Variants in IGF1R observed in about 807,000 individuals in gnomAD.
The protein encoded by IGF1R is insulin like growth factor 1 receptor.
A neutral mutation model predicts 144.6 loss-of-function variants in IGF1R; 44 were observed. The ratio of observed to expected loss-of-function variants is 0.30; its 90% CI spans 0.24 to 0.39. The LOEUF is 0.39. Ranked by LOEUF, IGF1R falls within the 10% of genes least tolerant of loss-of-function variation. IGF1R has a pLI of 1.00. For synonymous variants in IGF1R, 795 were observed against 722.8 expected (o/e 1.10, Z -1.60); for missense variants, 1,355 against 1,833.7 (o/e 0.74, Z 4.77).
chr15:98,775,068 G>A (rs1381701341), intron 2 of IGF1R, among the ~76,000 whole-genome samples: 1 of 152,082 alleles, frequency 6.6e-6, no homozygotes, highest in Non-Finnish European at 1.5e-5. Flanking sequence ...ACCTGCCTTA[G>A]TCCCAGAGTC....
chr15:98,719,542 T>G (rs2054198780), intron 2 of IGF1R, among the ~76,000 whole-genome samples: 1 of 152,204 alleles, frequency 6.6e-6, no homozygotes, highest in South Asian at 2.1e-4. Context: ...TGGGTGTGCC[T>G]AGCAAAGCTG....
At chr15:98,768,926 TCAAAAACAA>T (rs922076354) in intron 2 of IGF1R, among the ~76,000 whole-genome samples, 5 of 18,612 alleles carry the variant, frequency 2.7e-4, no homozygotes, top group African/African-American at 3.7e-4. Context: ...AGATTCCGTC[TCAAAAACAA>T]CAACAACAAC....
intron 2 of IGF1R, among the ~76,000 whole-genome samples, chr15:98,732,985 A>G (rs2054527596): frequency 6.6e-6 from 1 of 152,142 alleles, no homozygotes; most frequent in East Asian, 1.9e-4. Flanking sequence ...AAAAGAAAGG[A>G]GCACCCCTCA....
intron 2 of IGF1R, among the ~76,000 whole-genome samples, chr15:98,770,235 A>AG (rs1415925929): frequency 6.6e-6 from 1 of 152,188 alleles, no homozygotes; most frequent in African/African-American, 2.4e-5. Context: ...TAAAAGTTAG[A>AG]GGAAGGCAAA....
chr15:98,651,275 C>A (rs536787832), intron 1 of IGF1R, among the ~76,000 whole-genome samples: 2 of 152,320 alleles, frequency 1.3e-5, no homozygotes, highest in East Asian at 3.9e-4. Context: ...CGCGACGGAA[C>A]GAGAGCAGAT....
chr15:98,815,702 G>T (rs532852416), intron 2 of IGF1R, among the ~76,000 whole-genome samples: 2 of 152,266 alleles, frequency 1.3e-5, no homozygotes, highest in East Asian at 3.9e-4. Flanking sequence ...GTGTGACTCT[G>T]TGTGTTGGAG....
intron 2 of IGF1R, among the ~76,000 whole-genome samples, chr15:98,808,774 G>A (rs983893924): frequency 6.6e-6 from 1 of 151,618 alleles, no homozygotes; most frequent in Non-Finnish European, 1.5e-5. Context: ...CAAAGTCCTG[G>A]GCTCAAGAAA....
intron 1 of IGF1R, among the ~76,000 whole-genome samples, chr15:98,653,803 C>T (rs1232644983): frequency 6.6e-6 from 1 of 152,228 alleles, no homozygotes; most frequent in African/African-American, 2.4e-5. Context: ...AAGATCAGGG[C>T]AGTAATGAAA....
intron 1 of IGF1R, among the ~76,000 whole-genome samples, chr15:98,697,377 G>C (rs955850306): frequency 2.6e-5 from 4 of 152,220 alleles, no homozygotes; most frequent in Admixed American, 2.0e-4. Flanking sequence ...GCGTCCACCT[G>C]CTCCGCCACC....
chr15:98,830,605 C>CTTTTTTTT (rs60426791), intron 2 of IGF1R, among the ~76,000 whole-genome samples: 5,254 of 135,516 alleles, frequency 0.039, 217 homozygotes, highest in East Asian at 0.12. Flanking sequence ...TGATCATCAT[C>CTTTTTTTT]TTTTTTTTTT....
intron 5 of IGF1R, among the ~76,000 whole-genome samples, chr15:98,908,319 T>C (rs967755335): frequency 1.3e-5 from 2 of 152,238 alleles, no homozygotes; most frequent in Admixed American, 6.5e-5. Flanking sequence ...TAGCAGAGCA[T>C]GTCTGTTCTC....
At chr15:98,931,532 T>C (rs983379157) in intron 15 of IGF1R, among the ~76,000 whole-genome samples, 5 of 152,200 alleles carry the variant, frequency 3.3e-5, no homozygotes, top group African/African-American at 4.8e-5. Context: ...TGCAGAATAA[T>C]GACTTTATTT....
intron 2 of IGF1R, among the ~76,000 whole-genome samples, chr15:98,837,559 C>T (rs1272529779): frequency 6.6e-6 from 1 of 151,950 alleles, no homozygotes; most frequent in Non-Finnish European, 1.5e-5. Flanking sequence ...TTTGTAGAAA[C>T]TCACTATGTT....
intron 2 of IGF1R, among the ~76,000 whole-genome samples, chr15:98,848,777 C>T (rs1011555184): frequency 6.6e-6 from 1 of 152,170 alleles, no homozygotes; most frequent in Non-Finnish European, 1.5e-5. Context: ...ACATCTTCTG[C>T]CAGAAATAAC....
chr15:98,780,324 G>C (rs549733530), intron 2 of IGF1R, among the ~76,000 whole-genome samples: 1 of 151,782 alleles, frequency 6.6e-6, no homozygotes, highest in African/African-American at 2.4e-5. Flanking sequence ...GCTGAGGCGG[G>C]TGGATCACCT....
chr15:98,763,661 CT>C (rs1214028058), intron 2 of IGF1R, among the ~76,000 whole-genome samples: 1 of 152,132 alleles, frequency 6.6e-6, no homozygotes, highest in Non-Finnish European at 1.5e-5. Flanking sequence ...AGGTTGTAAT[CT>C]TAAATTCTGG....
intron 2 of IGF1R, among the ~76,000 whole-genome samples, chr15:98,716,192 G>A (rs568698565): frequency 1.3e-4 from 20 of 152,026 alleles, no homozygotes; most frequent in Admixed American, 5.9e-4. Context: ...GGCTTGCATC[G>A]GACTACCTGT....
At chr15:98,681,890 G>C (rs1369578592) in intron 1 of IGF1R, among the ~76,000 whole-genome samples, 1 of 152,182 alleles carries the variant, frequency 6.6e-6, no homozygotes, top group Non-Finnish European at 1.5e-5. Flanking sequence ...CAGGATGGGT[G>C]GGTGGAGGGG....
At chr15:98,760,097 T>C (rs2055255436) in intron 2 of IGF1R, among the ~76,000 whole-genome samples, 1 of 152,044 alleles carries the variant, frequency 6.6e-6, no homozygotes, top group Admixed American at 6.5e-5. Flanking sequence ...CCCAGCACTT[T>C]GGGAGGCCAC....
Sources: gnomAD v4.1 joint callset for allele counts (sites outside exome capture counted in the v4.1 genomes callset) on GRCh38, gnomAD v4.1.1 for gene constraint, MANE v1.5 for transcripts, NCBI Gene and HGNC (gene_info 2026-07-23, HGNC 2026-07-21) for gene names.